TMEM242: variants seen among roughly 807,000 people sequenced by gnomAD.
TMEM242 encodes the protein UPF0463 transmembrane protein C6orf35.
TMEM242 carries 10 observed loss-of-function variants against 18.2 expected under a neutral mutation model. The ratio of observed to expected loss-of-function variants is 0.55; its 90% CI spans 0.34 to 0.93. TMEM242 has a LOEUF of 0.93. Ranked by LOEUF, TMEM242 falls within the 40% of genes least tolerant of loss-of-function variation. The probability of loss-of-function intolerance (pLI) is 0.02; values close to 1 mark genes in which losing one functional copy is unlikely to be tolerated. For missense variants in TMEM242, 186 were observed against 175.5 expected (o/e 1.06, Z -0.34); for synonymous variants, 57 against 69.9 (o/e 0.81, Z 0.92).
Position 157,292,813 on chromosome 6 carries a change from G to C in TMEM242, c.*88C>G, listed in dbSNP as rs782060238. The C allele has an allele frequency of 7.7e-6, 8 of 1,039,572 alleles. No individual in the cohort carries two copies. The highest frequency in any genetic ancestry group is 1.8e-5 in the Admixed American group (1 of 55,846). 64.4% of individuals were successfully genotyped at this position (1,039,572 alleles called of 1,614,324 possible). A position where few individuals can be genotyped will look rare whatever the true frequency, so the allele number is the denominator to read the frequency against. The stretch of plus-strand genomic sequence containing the variant: ...CAGCAATCTGCCCATGTTCCTGGGA[G>C]AAATCAGTCCCAGTCCTTTTGCTGT... On this transcript the variant is annotated 3_prime_UTR_variant, in exon 4 of 4. Transcript: ENST00000400788.
intron 3 of TMEM242, 134 bp downstream of exon 3, chr6:157,318,648 A>C (rs1778445247): frequency 2.1e-6 from 2 of 933,318 alleles, no homozygotes; most frequent in Admixed American, 5.4e-5. Flanking sequence ...GTAAGAATTT[A>C]GTCACGTACT....
intron 3 of TMEM242, among the ~76,000 whole-genome samples, chr6:157,293,655 G>GT (rs1777713614): frequency 2.6e-5 from 4 of 151,154 alleles, no homozygotes; most frequent in African/African-American, 9.9e-5. Flanking sequence ...GCAAGACAGT[G>GT]GTTTTTTTTT....
At chr6:157,322,848 T>A in intron 1 of TMEM242, 43 bp from the exon 2 acceptor site, 1 of 1,521,880 alleles carries the variant, frequency 6.6e-7, no homozygotes, top group Non-Finnish European at 9.0e-7. Context: ...TAAAAAAAAT[T>A]AAATAAAAAG....
chr6:157,304,462 C>CAAAAAAAAA (rs782782714), intron 3 of TMEM242, among the ~76,000 whole-genome samples: 1 of 67,258 alleles, frequency 1.5e-5, no homozygotes, highest in Non-Finnish European at 2.7e-5. Context: ...GAGACTCTGT[C>CAAAAAAAAA]AAAAAAAAAA....
intron 3 of TMEM242, among the ~76,000 whole-genome samples, chr6:157,312,704 G>C (rs1370625467): frequency 7.6e-4 from 69 of 90,980 alleles, no homozygotes; most frequent in African/African-American, 1.1e-3. Flanking sequence ...GTCCCAGTGT[G>C]CGCTCACCTG....
intron 3 of TMEM242, among the ~76,000 whole-genome samples, chr6:157,313,317 C>T (rs1554249691): frequency 4.1e-3 from 620 of 149,922 alleles, no homozygotes; most frequent in Admixed American, 7.0e-3. Context: ...TCCCAGTGTG[C>T]GCTCACCTGG....
chr6:157,316,377 G>C (rs1778391141), intron 3 of TMEM242, among the ~76,000 whole-genome samples: 1 of 152,182 alleles, frequency 6.6e-6, no homozygotes, highest in Non-Finnish European at 1.5e-5. Flanking sequence ...CTGCTAGATA[G>C]TTATTATGAA....
At chr6:157,311,080 TCA>T (rs1562382519) in intron 3 of TMEM242, among the ~76,000 whole-genome samples, 1,059 of 10,184 alleles carry the variant, frequency 0.1, 3 homozygotes, top group South Asian at 0.16. Context: ...CCCAGTGTGC[TCA>T]CACCTAGCCA....
chr6:157,312,814 C>G (rs1778220223), intron 3 of TMEM242, among the ~76,000 whole-genome samples: 1 of 94,940 alleles, frequency 1.1e-5, no homozygotes, highest in Non-Finnish European at 2.2e-5. Context: ...GTGAACTCAA[C>G]TAGCCTCATC....
chr6:157,309,659 G>C (rs1172344450), intron 3 of TMEM242, among the ~76,000 whole-genome samples: 1 of 152,144 alleles, frequency 6.6e-6, no homozygotes, highest in Non-Finnish European at 1.5e-5. Context: ...CCAAAGTACT[G>C]AGATTGCAGG....
At chr6:157,322,649 G>A (rs1438924845) in intron 2 of TMEM242, 56 bp downstream of exon 2, 2 of 1,440,098 alleles carry the variant, frequency 1.4e-6, no homozygotes, top group Non-Finnish European at 1.9e-6. Context: ...CTACGCAAAA[G>A]CTGCCATATA....
At chr6:157,314,542 G>A (rs912102658) in intron 3 of TMEM242, among the ~76,000 whole-genome samples, 8 of 152,176 alleles carry the variant, frequency 5.3e-5, no homozygotes, top group Non-Finnish European at 8.8e-5. Flanking sequence ...CAGTCAAGCC[G>A]TGCTTGTTGG....
At chr6:157,316,135 G>A (rs1473436723) in intron 3 of TMEM242, among the ~76,000 whole-genome samples, 1 of 152,110 alleles carries the variant, frequency 6.6e-6, no homozygotes, top group African/African-American at 2.4e-5. Flanking sequence ...ACTAAACACT[G>A]GAAACATCAC....
At chr6:157,311,434 A>T (rs1778089636) in intron 3 of TMEM242, among the ~76,000 whole-genome samples, 1 of 126,710 alleles carries the variant, frequency 7.9e-6, no homozygotes, top group Non-Finnish European at 1.7e-5. Context: ...ATACGGCCTC[A>T]TCATAGTGTC....
chr6:157,312,456 GCCCCAGCGTGCACTCACCTA>G (rs1562384850), intron 3 of TMEM242, among the ~76,000 whole-genome samples: 30 of 32,306 alleles, frequency 9.3e-4, no homozygotes, highest in East Asian at 2.3e-3. Flanking sequence ...GCCTCATAGT[GCCCCAGCGTGCACTCACCTA>G]GCCTCATCAT....
At chr6:157,312,963 AG>A (rs1778231293) in intron 3 of TMEM242, among the ~76,000 whole-genome samples, 1 of 152,190 alleles carries the variant, frequency 6.6e-6, no homozygotes, top group South Asian at 2.1e-4. Flanking sequence ...GCCTCATCAT[AG>A]TGCCTCAGTG....
intron 3 of TMEM242, among the ~76,000 whole-genome samples, chr6:157,307,967 A>G (rs1215156555): frequency 6.6e-6 from 1 of 152,162 alleles, no homozygotes; most frequent in Non-Finnish European, 1.5e-5. Context: ...TTAGGCAAGG[A>G]GGCAGAGGGA....
chr6:157,310,444 A>G (rs200141917), intron 3 of TMEM242, among the ~76,000 whole-genome samples: 325 of 5,536 alleles, frequency 0.059, no homozygotes, highest in African/African-American at 0.096. Flanking sequence ...CCCAGTGTGC[A>G]CTCACCTAGC....
intron 3 of TMEM242, among the ~76,000 whole-genome samples, chr6:157,310,851 C>A: frequency 6.9e-6 from 1 of 145,292 alleles, no homozygotes; most frequent in African/African-American, 2.5e-5. Context: ...TCCCAGTGTG[C>A]ACTCACCTAG....
Sources: gnomAD v4.1 joint callset for allele counts (sites outside exome capture counted in the v4.1 genomes callset) on GRCh38, gnomAD v4.1.1 for gene constraint, MANE v1.5 for transcripts, NCBI Gene and HGNC (gene_info 2026-07-23, HGNC 2026-07-21) for gene names.